The following RBFOX2 variants were observed in gnomAD, a reference collection of about 807,000 sequenced individuals.
RBFOX2 encodes RNA binding protein fox-1 homolog 2.
Under a neutral mutation model 49.1 loss-of-function variants are expected in RBFOX2, and 10 were observed. The observed-to-expected ratio is 0.20, with a 90% confidence interval of 0.13 to 0.35. The LOEUF is 0.35. Ranked by LOEUF, RBFOX2 falls within the 10% of genes least tolerant of loss-of-function variation. The pLI is 1.00. For synonymous variants in RBFOX2, 183 were observed against 187.4 expected (o/e 0.98, Z 0.19); for missense variants, 323 against 486.9 (o/e 0.66, Z 3.17).
chr22:35,744,138 TA>T lies in RBFOX2; in HGVS notation c.*56del, dbSNP rs926502197. The T allele has an allele frequency of 1.6e-4, 227 of 1,410,594 alleles. 1 individual carries two copies. Among genetic ancestry groups the T allele is most frequent in the Non-Finnish European group, 2.1e-4 (214 of 1,039,846 alleles). 87.4% of individuals were successfully genotyped at this position (1,410,594 alleles called of 1,614,324 possible). On this transcript the variant is annotated 3_prime_UTR_variant, in exon 12 of 12. Coordinates refer to ENST00000405409, the Ensembl canonical transcript of RBFOX2. ...TCTTGCTATAGAGTTCCTCTACTAG[TA>T]AATATTGCAATAGCCAGGCCTCATG...
chr22:35,962,895 G>T (rs187932071), upstream of RBFOX2, among the ~76,000 whole-genome samples: 1 of 151,886 alleles, frequency 6.6e-6, no homozygotes, highest in East Asian at 1.9e-4. Context: ...ATGTGACTCT[G>T]AAGGACAAAG....
intron 1 of RBFOX2, among the ~76,000 whole-genome samples, chr22:35,926,618 A>G (rs909500351): frequency 6.6e-6 from 1 of 152,208 alleles, no homozygotes; most frequent in Non-Finnish European, 1.5e-5. Flanking sequence ...AGCTAGGGGG[A>G]AAAGTCAAAC....
chr22:35,961,771 T>C (rs920847535), upstream of RBFOX2: 6 of 1,191,672 alleles, frequency 5.0e-6, no homozygotes, highest in African/African-American at 9.5e-5. Flanking sequence ...AAAAAGACGA[T>C]GCTTTCAACA....
intron 1 of RBFOX2, among the ~76,000 whole-genome samples, chr22:35,826,427 C>A (rs1426169579): frequency 6.6e-6 from 1 of 151,166 alleles, no homozygotes; most frequent in African/African-American, 2.4e-5. Flanking sequence ...ATACATAGTC[C>A]AAAATATAAA....
At chr22:35,809,827 C>T (rs1181512797) in exon 2 of RBFOX2, 27 of 1,614,064 alleles carry the variant, frequency 1.7e-5, no homozygotes, top group Non-Finnish European at 2.3e-5. Context: ...CTCTGCTCCC[C>T]GTGGGCTTGC....
intron 1 of RBFOX2, among the ~76,000 whole-genome samples, chr22:35,916,566 G>C (rs979004360): frequency 1.5e-4 from 23 of 152,184 alleles, no homozygotes; most frequent in African/African-American, 5.6e-4. Context: ...ACAGGCACAA[G>C]TCACCGTGCC....
intron 4 of RBFOX2, among the ~76,000 whole-genome samples, chr22:35,774,944 C>G (rs139730916): frequency 6.6e-6 from 1 of 152,084 alleles, no homozygotes; most frequent in African/African-American, 2.4e-5. Context: ...TTTTCCATTA[C>G]TGCTCTAAAA....
At chr22:35,792,330 A>AAAAAGAAAAGAAAAG (rs1193695072) in intron 2 of RBFOX2, among the ~76,000 whole-genome samples, 2 of 136,430 alleles carry the variant, frequency 1.5e-5, no homozygotes, top group Admixed American at 7.5e-5. Flanking sequence ...AAAAAAAAAA[A>AAAAAGAAAAGAAAAG]AAAAGAAAAG....
upstream of RBFOX2, among the ~76,000 whole-genome samples, chr22:35,965,407 GA>G (rs560920237): frequency 3.6e-4 from 55 of 152,086 alleles, no homozygotes; most frequent in Middle Eastern, 3.4e-3. Context: ...TAAAAGGGGG[GA>G]AAAAAATTAA....
intron 1 of RBFOX2, among the ~76,000 whole-genome samples, chr22:36,015,206 G>A (rs980408159): frequency 7.2e-5 from 11 of 152,194 alleles, no homozygotes; most frequent in African/African-American, 2.7e-4. Flanking sequence ...TAAGAGTCAT[G>A]TATGAAACTA....
At position 35,761,475 on chromosome 22, in the gene RBFOX2, C is replaced by T. The variant is rs762506513; in HGVS notation, c.608-7G>A. ...ACTGGGCTTAATTTCCAACCTGAAA[C>T]ACACAAAATGGAAGGTAAGCATTTA... On this transcript the variant is annotated splice_region_variant and splice_polypyrimidine_tract_variant and intron_variant, in intron 6 of 11. Transcript: ENST00000405409. The T allele has an allele frequency of 6.2e-7, 1 of 1,613,926 alleles. No homozygotes were observed. The highest frequency in any genetic ancestry group is 1.1e-5 in the South Asian group (1 of 91,064).
At chr22:36,022,004 T>C (rs926731819) in intron 1 of RBFOX2, among the ~76,000 whole-genome samples, 1 of 152,222 alleles carries the variant, frequency 6.6e-6, no homozygotes, top group Non-Finnish European at 1.5e-5. Flanking sequence ...CATGCTCCAA[T>C]TACTGCCATT....
intron 1 of RBFOX2, among the ~76,000 whole-genome samples, chr22:35,907,284 C>T (rs371558628): frequency 1.1e-3 from 166 of 152,320 alleles, no homozygotes; most frequent in African/African-American, 3.8e-3. Context: ...AGACTAATTC[C>T]GACTAATGAG....
At chr22:35,877,079 T>C (rs2045218748) in intron 1 of RBFOX2, among the ~76,000 whole-genome samples, 1 of 152,136 alleles carries the variant, frequency 6.6e-6, no homozygotes, top group Admixed American at 6.6e-5. Flanking sequence ...TAAAAAATAA[T>C]TTCAATTTTA....
chr22:35,962,185 A>G (rs1603458952), upstream of RBFOX2, among the ~76,000 whole-genome samples: 1 of 152,220 alleles, frequency 6.6e-6, no homozygotes, highest in East Asian at 1.9e-4. Context: ...CTCTTAGAAG[A>G]TGGAATTCTC....
chr22:35,948,827 A>G (rs186326354), intron 1 of RBFOX2, among the ~76,000 whole-genome samples: 1 of 152,272 alleles, frequency 6.6e-6, no homozygotes, highest in East Asian at 1.9e-4. Context: ...AAATATACAT[A>G]AAGTTACCAT....
intron 2 of RBFOX2, among the ~76,000 whole-genome samples, chr22:35,795,283 G>A (rs1948569432): frequency 6.6e-6 from 1 of 152,106 alleles, no homozygotes; most frequent in Admixed American, 6.5e-5. Context: ...AAAAGTGGAT[G>A]GCTGAATGAA....
intron 1 of RBFOX2, among the ~76,000 whole-genome samples, chr22:35,950,860 T>C (rs2054833033): frequency 6.6e-6 from 1 of 152,074 alleles, no homozygotes; most frequent in African/African-American, 2.4e-5. Flanking sequence ...TTTCTTATTA[T>C]AGATACAGCA....
intron 1 of RBFOX2, among the ~76,000 whole-genome samples, chr22:35,911,914 C>A (rs1419078512): frequency 6.6e-6 from 1 of 152,284 alleles, no homozygotes; most frequent in South Asian, 2.1e-4. Context: ...CATCTCTAAA[C>A]CTCAACAACA....
Sources: allele counts gnomAD v4.1 joint callset (sites outside exome capture counted in the v4.1 genomes callset), GRCh38; gene constraint gnomAD v4.1.1; transcripts MANE v1.5; gene names NCBI Gene and HGNC (gene_info 2026-07-23, HGNC 2026-07-21).